The following RBMS3 variants were observed in gnomAD, a reference collection of about 807,000 sequenced individuals.
RBMS3 encodes RNA-binding motif, single-stranded-interacting protein 3.
In RBMS3, 27 loss-of-function variants were observed where a neutral mutation model predicts 66.8. The observed-to-expected ratio is 0.40, with a 90% CI of 0.30 to 0.56. RBMS3 has a LOEUF of 0.56. RBMS3 is among the 20% of genes least tolerant of loss of function. The pLI is 0.40. For synonymous variants in RBMS3, 188 were observed against 183.0 expected, an observed-to-expected ratio of 1.03 and a Z score of -0.22; for missense variants, 513 against 549.5, an observed-to-expected ratio of 0.93 and a Z score of 0.66.
At chr3:29,651,373 G>A (rs2050138616) in intron 4 of RBMS3, among the ~76,000 whole-genome samples, 1 of 152,188 alleles carries the variant, frequency 6.6e-6, no homozygotes, top group South Asian at 2.1e-4. Flanking sequence ...GAACTCAGGA[G>A]TGTCTAACGT....
intron 1 of RBMS3, among the ~76,000 whole-genome samples, chr3:29,418,801 T>C (rs1355237279): frequency 6.6e-6 from 1 of 152,220 alleles, no homozygotes; most frequent in African/African-American, 2.4e-5. Flanking sequence ...AAAGCCACCA[T>C]GCTAATAGCA....
At chr3:29,575,388 G>C (rs1017265834) in intron 3 of RBMS3, among the ~76,000 whole-genome samples, 4 of 151,316 alleles carry the variant, frequency 2.6e-5, no homozygotes, top group Non-Finnish European at 4.4e-5. Context: ...CAGCTCCATT[G>C]TATGTTGTCT....
At chr3:29,596,837 G>A (rs543944899) in intron 4 of RBMS3, among the ~76,000 whole-genome samples, 25 of 152,234 alleles carry the variant, frequency 1.6e-4, no homozygotes, top group African/African-American at 5.8e-4. Context: ...TAATGAATAT[G>A]GGAATGAACA....
intron 5 of RBMS3, among the ~76,000 whole-genome samples, chr3:29,761,303 CAG>C (rs1177731021): frequency 6.6e-6 from 1 of 152,108 alleles, no homozygotes; most frequent in Non-Finnish European, 1.5e-5. Flanking sequence ...AAAACTTTGT[CAG>C]AGAATAATTA....
chr3:29,501,816 C>T (rs1227217306), intron 3 of RBMS3, among the ~76,000 whole-genome samples: 1 of 152,062 alleles, frequency 6.6e-6, no homozygotes, highest in African/African-American at 2.4e-5. Flanking sequence ...GGGGAGGGAT[C>T]ATGAATGGTG....
chr3:29,901,583 G>C (rs982127593), intron 10 of RBMS3, among the ~76,000 whole-genome samples: 7 of 151,682 alleles, frequency 4.6e-5, no homozygotes, highest in Admixed American at 2.6e-4. Flanking sequence ...CCCCAGTACA[G>C]CTTCAGCCTC....
chr3:29,798,074 G>A lies in RBMS3; in HGVS notation c.637+35085G>A, dbSNP rs191082924. 5.8e-4 allele frequency among the ~76,000 whole-genome samples: 88 copies of A among 151,748 alleles called. 1 individual carries two copies. In the East Asian group the frequency reaches 0.015, roughly 26 times the overall value. ...GGCCAGGAAAAGAGTCAGAACATAC[G>A]TTTATCAATTCAGTTTGCTGTCTTA... is the stretch of plus-strand genomic sequence containing the variant. On this transcript the variant is annotated intron_variant, in intron 6 of 14. Coordinates refer to ENST00000383767, the MANE Select transcript of RBMS3 (RefSeq NM_001003793.3).
At chr3:29,631,620 C>A (rs1017771129) in intron 4 of RBMS3, among the ~76,000 whole-genome samples, 2 of 151,810 alleles carry the variant, frequency 1.3e-5, no homozygotes, top group Non-Finnish European at 2.9e-5. Flanking sequence ...TTGACCCTAA[C>A]CAAAATAATC....
At chr3:29,350,186 T>C (rs1021452903) in intron 1 of RBMS3, among the ~76,000 whole-genome samples, 2 of 151,896 alleles carry the variant, frequency 1.3e-5, no homozygotes, top group African/African-American at 2.4e-5. Flanking sequence ...AATCTAGTTG[T>C]TCATTTTGAA....
chr3:29,971,649 T>A (rs1433747443), intron 12 of RBMS3, among the ~76,000 whole-genome samples: 4 of 152,176 alleles, frequency 2.6e-5, no homozygotes, highest in African/African-American at 9.6e-5. Flanking sequence ...CACTCATTCA[T>A]TCATTCACTC....
At chr3:29,682,191 G>A (rs2051526373) in intron 4 of RBMS3, among the ~76,000 whole-genome samples, 1 of 152,210 alleles carries the variant, frequency 6.6e-6, no homozygotes, top group African/African-American at 2.4e-5. Context: ...CTGATGCCAG[G>A]CTGGAGCGCA....
chr3:29,661,605 T>A (rs986906441), intron 4 of RBMS3, among the ~76,000 whole-genome samples: 1 of 152,180 alleles, frequency 6.6e-6, no homozygotes, highest in Non-Finnish European at 1.5e-5. Flanking sequence ...TCCTGCTGAA[T>A]GTATGTCATT....
rs1699754982 is a variant in RBMS3 at position 30,004,743 on chromosome 3, G to C, written c.*881G>C. On this transcript the variant is annotated 3_prime_UTR_variant, in exon 15 of 15. Coordinates refer to ENST00000383767, the MANE Select transcript of RBMS3 (RefSeq NM_001003793.3). ...TGCATTAGAAATAATGCGTGTTTGG[G>C]GGGCAGAATGCAGATTTTTTTAATT... 6.6e-6 allele frequency: 1 copy of C among 152,040 alleles called. No individual in the cohort carries two copies. The highest frequency in any genetic ancestry group is 2.1e-4 in the South Asian group (1 of 4,828). The allele number at this position is 152,040 out of a possible 1,614,324, so 9.4% of individuals were successfully genotyped here.
intron 5 of RBMS3, among the ~76,000 whole-genome samples, chr3:29,761,264 A>C (rs1008780918): frequency 6.6e-5 from 10 of 152,114 alleles, no homozygotes; most frequent in Non-Finnish European, 1.0e-4. Flanking sequence ...CTCTCATCAC[A>C]TGCTTCATAA....
At chr3:29,355,379 A>C (rs1019341009) in intron 1 of RBMS3, among the ~76,000 whole-genome samples, 6 of 152,150 alleles carry the variant, frequency 3.9e-5, no homozygotes, top group African/African-American at 7.2e-5. Flanking sequence ...CAGAAAAACA[A>C]CACCATATTT....
chr3:29,808,943 A>G (rs2057642482), intron 6 of RBMS3, among the ~76,000 whole-genome samples: 2 of 152,078 alleles, frequency 1.3e-5, no homozygotes, highest in Middle Eastern at 3.4e-3. Flanking sequence ...TCAATTAAGG[A>G]CATTAAGGAA....
intron 1 of RBMS3, among the ~76,000 whole-genome samples, chr3:29,426,808 T>A (rs549674557): frequency 2.0e-5 from 3 of 152,346 alleles, no homozygotes; most frequent in South Asian, 4.1e-4. Context: ...GGGTCTGCCT[T>A]GTGATGATGA....
At chr3:29,379,515 A>G (rs748178119) in intron 1 of RBMS3, among the ~76,000 whole-genome samples, 10 of 152,190 alleles carry the variant, frequency 6.6e-5, no homozygotes, top group East Asian at 1.9e-4. Context: ...AATCATGGCA[A>G]AAGGTGAAAG....
At chr3:29,667,577 T>A (rs2050818484) in intron 4 of RBMS3, among the ~76,000 whole-genome samples, 3 of 152,202 alleles carry the variant, frequency 2.0e-5, no homozygotes, top group African/African-American at 7.2e-5. Context: ...ATACTATGTC[T>A]TATGCAGAAC....
Sources: allele counts gnomAD v4.1 joint callset (sites outside exome capture counted in the v4.1 genomes callset), GRCh38; gene constraint gnomAD v4.1.1; transcripts MANE v1.5; gene names NCBI Gene and HGNC (gene_info 2026-07-23, HGNC 2026-07-21).